The following AKAP7 variants were observed in gnomAD, a reference collection of about 807,000 sequenced individuals.
The protein encoded by AKAP7 is A-kinase anchoring protein 7, also known as A kinase (PRKA) anchor protein 7.
Under a neutral mutation model 39.5 loss-of-function variants are expected in AKAP7, and 39 were observed. That is an observed-to-expected ratio of 0.99 (90% CI 0.76 to 1.29). The LOEUF is 1.29. AKAP7 is among the 50% of genes most tolerant of loss of function. AKAP7 has a pLI of 0.00. For synonymous variants in AKAP7, 140 were observed against 139.1 expected (o/e 1.01, Z -0.05); for missense variants, 414 against 407.7 (o/e 1.02, Z -0.13).
In AKAP7 at chr6:131,282,798, G is replaced by T; in HGVS notation, c.*1072G>T. ...TTTTTTGAGCTACACTTGTGTTTTAGAATATCTGTTTCTGTAATATTGAGA... is the reference window on the plus strand; with the variant it reads ...TTTTTTGAGCTACACTTGTGTTTTATAATATCTGTTTCTGTAATATTGAGA... On this transcript the variant is annotated 3_prime_UTR_variant, in exon 8 of 8. Coordinates refer to ENST00000431975, the MANE Select transcript of AKAP7 (RefSeq NM_016377.4). The T allele has an allele frequency of 2.1e-6, 1 of 484,436 alleles. No homozygotes were observed. Among genetic ancestry groups the T allele is most frequent in the Non-Finnish European group, 3.6e-6 (1 of 275,874 alleles). The allele number at this position is 484,436 out of a possible 1,614,324, so 30.0% of individuals were successfully genotyped here.
At chr6:131,240,063 G>A (rs956930177) in intron 7 of AKAP7, among the ~76,000 whole-genome samples, 1 of 152,116 alleles carries the variant, frequency 6.6e-6, no homozygotes, top group Non-Finnish European at 1.5e-5. Context: ...CTTTGATGAT[G>A]GTGACGTACA....
intron 5 of AKAP7, among the ~76,000 whole-genome samples, chr6:131,181,386 A>G (rs751343661): frequency 3.3e-5 from 5 of 152,168 alleles, no homozygotes; most frequent in African/African-American, 7.2e-5. Context: ...TGTCTTAAAT[A>G]TCACTCCCAT....
chr6:131,188,523 A>G (rs1806092298), intron 5 of AKAP7, among the ~76,000 whole-genome samples: 1 of 151,972 alleles, frequency 6.6e-6, no homozygotes, highest in African/African-American at 2.4e-5. Flanking sequence ...TTAATTACAC[A>G]TTAGTTTTGT....
intron 7 of AKAP7, among the ~76,000 whole-genome samples, chr6:131,241,603 G>GTGTATATATACGTATATATATATA (rs1562237998): frequency 3.2e-5 from 4 of 123,496 alleles, no homozygotes; most frequent in Non-Finnish European, 5.1e-5. Flanking sequence ...GTGTGTGTGT[G>GTGTATATATACGTATATATATATA]TGTGTGTGTG....
At chr6:131,136,658 A>G (rs1032345820) in intron 1 of AKAP7, among the ~76,000 whole-genome samples, 1 of 152,190 alleles carries the variant, frequency 6.6e-6, no homozygotes, top group South Asian at 2.1e-4. Context: ...TTACTCATAA[A>G]GTTTAAGATG....
In AKAP7 at chr6:131,139,098, T is replaced by C. The variant is rs1208053257; in HGVS notation, c.19+3316T>C. On this transcript the variant is annotated intron_variant, in intron 1 of 7. Transcript: ENST00000431975. ...AAAAGCAAAATATTTATACCTTCTA[T>C]AAGAGAAAGTGTAGTTATGACTGGT... 2.6e-5 allele frequency among the ~76,000 whole-genome samples: 4 copies of C among 152,214 alleles called. No individual in the cohort carries two copies. In the South Asian group the frequency reaches 8.3e-4, roughly 31 times the overall value.
At chr6:131,259,279 G>A (rs948330582) in intron 7 of AKAP7, among the ~76,000 whole-genome samples, 6 of 152,116 alleles carry the variant, frequency 3.9e-5, no homozygotes, top group African/African-American at 1.2e-4. Flanking sequence ...GTTAATCTCA[G>A]ACTTTCTATC....
Position 131,219,822 on chromosome 6 carries a change from A to G in AKAP7, c.850+14A>G. ...CCATTGTGATTGGTGAGTGTCATTT[A>G]AAAATTATTTATTATCTTTATTTTT... On this transcript the variant is annotated intron_variant, in intron 7 of 7. Transcript: ENST00000431975. 1 of 1,461,036 alleles carries G rather than the reference A, an allele frequency of 6.8e-7. No individual in the cohort carries two copies. The highest frequency in any genetic ancestry group is 9.1e-7 in the Non-Finnish European group (1 of 1,104,378). 90.5% of individuals were successfully genotyped at this position (1,461,036 alleles called of 1,614,324 possible).
chr6:131,237,634 G>T (rs1455429035), intron 7 of AKAP7, among the ~76,000 whole-genome samples: 1 of 152,088 alleles, frequency 6.6e-6, no homozygotes, highest in African/African-American at 2.4e-5. Context: ...TTTAGTCTTG[G>T]GGGGTGTATG....
At position 131,281,743 on chromosome 6, in the gene AKAP7, C is replaced by T. The variant is rs759503839; in HGVS notation, c.*17C>T. On this transcript the variant is annotated 3_prime_UTR_variant, in exon 8 of 8. Coordinates refer to ENST00000431975, the MANE Select transcript of AKAP7 (RefSeq NM_016377.4). This position sits in a 1 kb window ranked among gnomAD's most constrained non-coding sequence, Gnocchi z 4.0. Reference sequence around the variant, plus strand: ...AGGAAATGAGCCCGGAACGCAGGCCCCCATGTCTCTGTGCAAAGCCTCCCT... The same window carrying T: ...AGGAAATGAGCCCGGAACGCAGGCCTCCATGTCTCTGTGCAAAGCCTCCCT... 3 of 1,577,920 alleles carry T rather than the reference C, an allele frequency of 1.9e-6. No homozygotes were observed. The highest frequency in any genetic ancestry group is 1.7e-6 in the Non-Finnish European group (2 of 1,162,118).
intron 2 of AKAP7, among the ~76,000 whole-genome samples, chr6:131,151,134 C>T (rs1458808111): frequency 6.6e-6 from 1 of 151,954 alleles, no homozygotes; most frequent in Admixed American, 6.6e-5. Flanking sequence ...CCTCTGCCTC[C>T]TGGGTTCAAG....
intron 7 of AKAP7, among the ~76,000 whole-genome samples, chr6:131,260,130 G>A (rs2128325666): frequency 6.6e-6 from 1 of 152,114 alleles, no homozygotes; most frequent in South Asian, 2.1e-4. Flanking sequence ...CAAAGGACAT[G>A]ATCTTGTTCC....
chr6:131,146,707 G>A (rs2128228053), intron 2 of AKAP7, among the ~76,000 whole-genome samples: 1 of 152,178 alleles, frequency 6.6e-6, no homozygotes, highest in Middle Eastern at 3.4e-3. Context: ...AGGGCTCTGT[G>A]GCATAACAAA....
chr6:131,277,640 G>T (rs1814859765), intron 7 of AKAP7, among the ~76,000 whole-genome samples: 1 of 152,138 alleles, frequency 6.6e-6, no homozygotes, highest in African/African-American at 2.4e-5. Flanking sequence ...GTTGAATTAG[G>T]TCTGCTAGGA....
At chr6:131,266,706 TTG>T (rs1813828655) in intron 7 of AKAP7, among the ~76,000 whole-genome samples, 2 of 114,866 alleles carry the variant, frequency 1.7e-5, no homozygotes, top group African/African-American at 5.6e-5. Context: ...GTTGTTGTTG[TTG>T]TTTTTTAACG....
intron 7 of AKAP7, among the ~76,000 whole-genome samples, chr6:131,253,386 G>T (rs1196250555): frequency 6.6e-6 from 1 of 152,144 alleles, no homozygotes; most frequent in African/African-American, 2.4e-5. Flanking sequence ...TTTGGTACAT[G>T]CATGCAATGT....
At chr6:131,248,681 C>G (rs1407328585) in intron 7 of AKAP7, among the ~76,000 whole-genome samples, 1 of 152,190 alleles carries the variant, frequency 6.6e-6, no homozygotes, top group Non-Finnish European at 1.5e-5. Context: ...GAACCACATT[C>G]TGTGTCACGT....
At chr6:131,205,191 G>C (rs1259261513) in intron 6 of AKAP7, among the ~76,000 whole-genome samples, 1 of 152,060 alleles carries the variant, frequency 6.6e-6, no homozygotes, top group Non-Finnish European at 1.5e-5. Context: ...AACCAATTGA[G>C]ATTTTTTTTT....
intron 7 of AKAP7, among the ~76,000 whole-genome samples, chr6:131,237,269 G>A (rs545289741): frequency 1.3e-5 from 2 of 152,280 alleles, no homozygotes; most frequent in South Asian, 2.1e-4. Flanking sequence ...CTTGATCATG[G>A]TGGATAAGCT....
Sources: allele counts gnomAD v4.1 joint callset (sites outside exome capture counted in the v4.1 genomes callset), GRCh38; gene constraint gnomAD v4.1.1; non-coding constraint Gnocchi (gnomAD v3.1); transcripts MANE v1.5; gene names NCBI Gene and HGNC (gene_info 2026-07-23, HGNC 2026-07-21).